WARS2: variants seen among roughly 807,000 people sequenced by gnomAD.
WARS2 encodes the protein tryptophan--tRNA ligase, mitochondrial.
A neutral mutation model predicts 36.5 loss-of-function variants in WARS2; 28 were observed. That is an observed-to-expected ratio of 0.77 (90% CI 0.57 to 1.05). The LOEUF (loss-of-function observed/expected upper bound fraction) is 1.05. Ranked by LOEUF, WARS2 falls within the 50% of genes least tolerant of loss-of-function variation. WARS2 has a pLI of 0.00. For synonymous variants in WARS2, 174 were observed against 178.4 expected, an observed-to-expected ratio of 0.98 and a Z score of 0.20; for missense variants, 435 against 456.8, an observed-to-expected ratio of 0.95 and a Z score of 0.44.
intron 1 of WARS2, among the ~76,000 whole-genome samples, chr1:119,097,160 A>C (rs1471166148): frequency 1.3e-5 from 2 of 152,224 alleles, no homozygotes; most frequent in East Asian, 3.8e-4. Flanking sequence ...AATGCTATTG[A>C]AATGTCATCA....
intron 2 of WARS2, among the ~76,000 whole-genome samples, chr1:119,071,947 C>A (rs762990365): frequency 4.6e-5 from 7 of 152,002 alleles, no homozygotes; most frequent in Middle Eastern, 3.2e-3. Context: ...AAAAAGAATT[C>A]TTCCTAGCAT....
chr1:119,134,518 G>A (rs1656356143), intron 1 of WARS2, among the ~76,000 whole-genome samples: 1 of 152,116 alleles, frequency 6.6e-6, no homozygotes, highest in Non-Finnish European at 1.5e-5. Flanking sequence ...GAACTCAGGT[G>A]ATGGGTCAGT....
At chr1:119,059,555 C>T (rs1650202907) in intron 2 of WARS2, among the ~76,000 whole-genome samples, 1 of 152,180 alleles carries the variant, frequency 6.6e-6, no homozygotes, top group Non-Finnish European at 1.5e-5. Flanking sequence ...TATGTCCATA[C>T]CACACTCTCA....
intron 1 of WARS2, among the ~76,000 whole-genome samples, chr1:119,078,783 T>A (rs587635096): frequency 1.4e-4 from 21 of 152,300 alleles, no homozygotes; most frequent in African/African-American, 5.1e-4. Context: ...TCTATTTATA[T>A]TATCTTTTGA....
At chr1:119,040,783 G>A (rs765103186) in intron 4 of WARS2, among the ~76,000 whole-genome samples, 78 of 152,068 alleles carry the variant, frequency 5.1e-4, no homozygotes, top group South Asian at 2.1e-4. Flanking sequence ...AATTATTCCC[G>A]TTTTACAGGT....
At chr1:119,077,703 C>G (rs1173017965) in intron 1 of WARS2, among the ~76,000 whole-genome samples, 3 of 151,782 alleles carry the variant, frequency 2.0e-5, no homozygotes, top group Non-Finnish European at 4.4e-5. Context: ...GTCATATTTT[C>G]CCTTTGGTTT....
chr1:119,057,745 C>A (rs1358270349), intron 2 of WARS2, among the ~76,000 whole-genome samples: 4 of 151,302 alleles, frequency 2.6e-5, no homozygotes, highest in South Asian at 2.1e-4. Context: ...AGCCGAGATC[C>A]CACCACTGCA....
chr1:119,036,588 C>T (rs528073282), intron 4 of WARS2, among the ~76,000 whole-genome samples: 1 of 152,278 alleles, frequency 6.6e-6, no homozygotes, highest in African/African-American at 2.4e-5. Context: ...TGGACTGCAA[C>T]CAACACAGAA....
intron 1 of WARS2, among the ~76,000 whole-genome samples, chr1:119,128,001 T>C (rs1655795931): frequency 6.6e-6 from 1 of 152,210 alleles, no homozygotes; most frequent in South Asian, 2.1e-4. Context: ...CCTTCTGCAC[T>C]AATAACTCTT....
At chr1:119,076,113 A>G (rs1651705865) in intron 2 of WARS2, among the ~76,000 whole-genome samples, 1 of 152,224 alleles carries the variant, frequency 6.6e-6, no homozygotes, top group African/African-American at 2.4e-5. Context: ...TGGTATATGA[A>G]GCATCATAAA....
At chr1:119,099,560 C>G (rs1465875672) in intron 1 of WARS2, among the ~76,000 whole-genome samples, 1 of 152,186 alleles carries the variant, frequency 6.6e-6, no homozygotes, top group Non-Finnish European at 1.5e-5. Context: ...TTTGGTCTTA[C>G]TAATGTCTTC....
At chr1:119,048,958 G>A (rs1018061337) in intron 2 of WARS2, among the ~76,000 whole-genome samples, 7 of 152,216 alleles carry the variant, frequency 4.6e-5, no homozygotes, top group African/African-American at 7.2e-5. Context: ...AGCTACTCGG[G>A]AGGCTGAGGC....
rs1471001606 is a variant in WARS2 at position 119,032,150 on chromosome 1, G to A, written c.*761C>T. On this transcript the variant is annotated 3_prime_UTR_variant, in exon 6 of 6. Coordinates refer to ENST00000235521, the MANE Select transcript of WARS2 (RefSeq NM_015836.4). ...TCTCTCAGCCTCACTTTCCTCATGT[G>A]TAAAATGACAATAATTCTCCTAATT... 6.6e-6 allele frequency: 1 copy of A among 152,078 alleles called. No individual in the cohort carries two copies. Among genetic ancestry groups the A allele is most frequent in the Non-Finnish European group, 1.5e-5 (1 of 67,998 alleles). The allele number at this position is 152,078 out of a possible 1,614,324, so 9.4% of individuals were successfully genotyped here.
At chr1:119,128,925 C>T (rs1007530119) in intron 1 of WARS2, among the ~76,000 whole-genome samples, 4 of 152,264 alleles carry the variant, frequency 2.6e-5, no homozygotes, top group Non-Finnish European at 5.9e-5. Flanking sequence ...CATATATTCT[C>T]AATCAAAATT....
chr1:119,037,660 A>G (rs957083831), intron 4 of WARS2, among the ~76,000 whole-genome samples: 2 of 152,222 alleles, frequency 1.3e-5, no homozygotes, highest in African/African-American at 4.8e-5. Flanking sequence ...ATTTAAGGCC[A>G]CCAGGAGGAG....
chr1:119,085,558 C>T, intron 1 of WARS2: 2 of 1,610,238 alleles, frequency 1.2e-6, no homozygotes, highest in Non-Finnish European at 1.7e-6. Context: ...CAGCCCTTCT[C>T]CTGGAGCTCT....
At chr1:119,119,772 C>T (rs767087229) in intron 1 of WARS2, among the ~76,000 whole-genome samples, 1 of 152,018 alleles carries the variant, frequency 6.6e-6, no homozygotes, top group Non-Finnish European at 1.5e-5. Flanking sequence ...CAAAACTATA[C>T]AAATACATGC....
rs141912048 is a variant in WARS2, at chr1:119,063,989, C to T, written c.348+12361G>A. The stretch of plus-strand genomic sequence containing the variant: ...CCAGATCCCAGAATGGTAGACCCAC[C>T]GACAGCTTGCACCGTGAGCCTGGAA... On this transcript the variant is annotated intron_variant, in intron 2 of 5. Coordinates refer to ENST00000235521, the MANE Select transcript of WARS2 (RefSeq NM_015836.4). The T allele has an allele frequency of 3.4e-3, 525 of 152,312 alleles. 10 individuals are homozygous for T. The East Asian group carries it at 0.04, about 12-fold the overall frequency. The allele number at this position is 152,312 out of a possible 1,614,324, so 9.4% of individuals were successfully genotyped here. A position where few individuals can be genotyped will look rare whatever the true frequency, so the allele number is the denominator to read the frequency against.
At chr1:119,128,626 T>C (rs1215460018) in intron 1 of WARS2, among the ~76,000 whole-genome samples, 3 of 142,624 alleles carry the variant, frequency 2.1e-5, no homozygotes, top group Admixed American at 7.0e-5. Context: ...TGCTTTATTC[T>C]TAATGATCTC....
Sources: allele counts gnomAD v4.1 joint callset (sites outside exome capture counted in the v4.1 genomes callset), GRCh38; gene constraint gnomAD v4.1.1; transcripts MANE v1.5; gene names NCBI Gene and HGNC (gene_info 2026-07-23, HGNC 2026-07-21).